MYO10: variants seen among roughly 807,000 people sequenced by gnomAD.
MYO10 encodes the protein unconventional myosin-X.
In MYO10, 133 loss-of-function variants were observed where a neutral mutation model predicts 257.3. That is an observed-to-expected ratio of 0.52 (90% CI 0.45 to 0.60). The LOEUF (loss-of-function observed/expected upper bound fraction) is 0.60. MYO10 is among the 20% of genes least tolerant of loss of function. The pLI, the probability that MYO10 is intolerant of heterozygous loss-of-function variation, is 0.00. For missense variants in MYO10, 2,399 were observed against 2,635.7 expected (o/e 0.91, Z 1.97); for synonymous variants, 1,104 against 1,028.6 (o/e 1.07, Z -1.40).
rs142142010 is a variant in MYO10, at chr5:16,781,580, G to GC, written c.727+124_727+125insG. 1,727 of 1,003,850 alleles carry GC rather than the reference G, an allele frequency of 1.7e-3. 24 individuals are homozygous for GC. In the African/African-American group the frequency reaches 0.024, roughly 14 times the overall value. The allele number at this position is 1,003,850 out of a possible 1,614,324, so 62.2% of individuals were successfully genotyped here. On this transcript the variant is annotated intron_variant, in intron 6 of 40. Transcript: ENST00000513610. ...ACTAACATTAGAGCAATAACTAACTGTCTAATTCGTTAAAGAACCAGAGAA... is the reference window on the plus strand; with the variant it reads ...ACTAACATTAGAGCAATAACTAACTGCTCTAATTCGTTAAAGAACCAGAGAA...
rs762885245 is a variant in MYO10, at chr5:16,935,785, T to C, written c.21+3A>G. On this transcript the variant is annotated splice_donor_region_variant and intron_variant, in intron 1 of 40. Transcript: ENST00000513610. ...GGCCAGGTCGGACTGGGAGCGCACT[T>C]ACCTCGGTGAAGAAGTTATCCATTG... is the stretch of plus-strand genomic sequence containing the variant. 41 of 1,613,254 alleles carry C rather than the reference T, an allele frequency of 2.5e-5. No homozygotes were observed. The highest frequency in any genetic ancestry group is 3.1e-5 in the Non-Finnish European group (36 of 1,179,696).
At chr5:16,815,195 G>T in intron 3 of MYO10, 1 of 421,250 alleles carries the variant, frequency 2.4e-6, no homozygotes, top group Admixed American at 4.2e-5. Flanking sequence ...TTTCTCTAAT[G>T]ACAGCAAAGT....
intron 2 of MYO10, chr5:16,854,074 C>G (rs1743892333): frequency 6.6e-6 from 1 of 152,088 alleles, no homozygotes; most frequent in Non-Finnish European, 1.5e-5. Flanking sequence ...CTGGTTAATA[C>G]TCGGATGGGA....
Position 16,758,191 on chromosome 5 carries a change from G to C in MYO10, c.1775C>G (p.Ser592Ter). The C allele has an allele frequency of 6.2e-7, 1 of 1,613,580 alleles. No homozygotes were observed. The highest frequency in any genetic ancestry group is 2.2e-5 in the East Asian group (1 of 44,876). Residue 592 changes from serine to a stop codon, truncating the protein, a stop_gained, in exon 18 of 41, where the codon TCA becomes TGA. Transcript: ENST00000513610. LOFTEE classifies it high-confidence loss of function. ...DFIYDLFEHVSSRNNQDTLKC... is the reference protein window; with the variant it reads ...DFIYDLFEHV Reference sequence around the variant, plus strand: ...CAAGGTATCCTGGTTGTTGCGGCTTGAAACATGTTCAAAAAGATCGTAGAT... The same window carrying C: ...CAAGGTATCCTGGTTGTTGCGGCTTCAAACATGTTCAAAAAGATCGTAGAT...
intron 36 of MYO10, 95 bp from the exon 37 acceptor site, chr5:16,672,920 T>C: frequency 7.0e-7 from 1 of 1,429,390 alleles, no homozygotes; most frequent in Admixed American, 2.4e-5. Flanking sequence ...AGGGAGCTGC[T>C]GGCACAAGGG....
chr5:16,892,927 G>A (rs1012262869), intron 1 of MYO10, among the ~76,000 whole-genome samples: 2 of 152,136 alleles, frequency 1.3e-5, no homozygotes, highest in Non-Finnish European at 2.9e-5. Flanking sequence ...CAGGCACGGT[G>A]GCTCACACCT....
chr5:16,841,303 G>A (rs937082024), intron 2 of MYO10, among the ~76,000 whole-genome samples: 4 of 152,134 alleles, frequency 2.6e-5, no homozygotes, highest in African/African-American at 4.8e-5. Flanking sequence ...GAAGAACTGA[G>A]ATATTAAAGA....
chr5:16,857,155 A>C (rs2126741852), intron 2 of MYO10, among the ~76,000 whole-genome samples: 1 of 152,302 alleles, frequency 6.6e-6, no homozygotes, highest in African/African-American at 2.4e-5. Context: ...CACAACACAC[A>C]GGCTTGTCCT....
Position 16,764,224 on chromosome 5 carries a change from A to G in MYO10, c.1326+26T>C, listed in dbSNP as rs1261826866. ...GCTAATCATGGACAGAAGAGAATTC[A>G]CGTGCTGCACTGTTAGGAAACCTAC... is the stretch of plus-strand genomic sequence containing the variant. On this transcript the variant is annotated intron_variant, in intron 12 of 40. Transcript: ENST00000513610. 7 of 1,611,962 alleles carry G rather than the reference A, an allele frequency of 4.3e-6. No homozygotes were observed. In the Middle Eastern group the frequency reaches 5.0e-4, roughly 114 times the overall value.
intron 2 of MYO10, among the ~76,000 whole-genome samples, chr5:16,851,843 G>GA (rs1189468673): frequency 1.3e-5 from 2 of 152,038 alleles, no homozygotes; most frequent in African/African-American, 4.8e-5. Context: ...ACGAGGTCAG[G>GA]AGTTAGAGAC....
At chr5:16,800,420 C>T (rs1742087951) in intron 3 of MYO10, among the ~76,000 whole-genome samples, 1 of 152,164 alleles carries the variant, frequency 6.6e-6, no homozygotes, top group South Asian at 2.1e-4. Flanking sequence ...TAAAATTCTG[C>T]ATAAATATTA....
chr5:16,679,957 T>G lies in MYO10; in HGVS notation c.4532A>C (p.Gln1511Pro). 6.2e-7 allele frequency: 1 copy of G among 1,613,754 alleles called. No individual in the cohort carries two copies. Among genetic ancestry groups the G allele is most frequent in the South Asian group, 1.1e-5 (1 of 91,030 alleles). The change falls in exon 33 of 41, where the codon CAA becomes CCA. Residue 1511 changes from glutamine to proline, a missense_variant. Transcript: ENST00000513610. ...CTTGTCTTGGCTTACCTTGATATCTTGAATCAGCTGCTGGGTGGGGGTGTC... is the reference window on the plus strand; with the variant it reads ...CTTGTCTTGGCTTACCTTGATATCTGGAATCAGCTGCTGGGTGGGGGTGTC... ...PIDTPTQQLI[Q>P]DIKENCLNSD...
intron 1 of MYO10, among the ~76,000 whole-genome samples, chr5:16,891,769 T>C (rs1745068427): frequency 6.6e-6 from 1 of 152,128 alleles, no homozygotes; most frequent in African/African-American, 2.4e-5. Context: ...CCTTATTACA[T>C]ATGCAAGAAG....
At chr5:16,741,863 G>C (rs1486502426) in intron 19 of MYO10, 1 of 985,296 alleles carries the variant, frequency 1.0e-6, no homozygotes, top group Non-Finnish European at 1.2e-6. Flanking sequence ...ATCTTTAGCA[G>C]TCCGGGCAAG....
chr5:16,689,344 AC>A (rs1400640942), intron 28 of MYO10, among the ~76,000 whole-genome samples: 3 of 152,238 alleles, frequency 2.0e-5, no homozygotes, highest in African/African-American at 7.2e-5. Context: ...GTAAGTTAGT[AC>A]CTCTTCCGTT....
intron 1 of MYO10, among the ~76,000 whole-genome samples, chr5:16,927,302 T>C (rs994889625): frequency 1.3e-5 from 2 of 152,080 alleles, no homozygotes; most frequent in African/African-American, 2.4e-5. Flanking sequence ...CTTCTGCTTA[T>C]GGTATTTTCT....
chr5:16,850,418 C>T (rs1176208345), intron 2 of MYO10, among the ~76,000 whole-genome samples: 1 of 152,040 alleles, frequency 6.6e-6, no homozygotes, highest in Non-Finnish European at 1.5e-5. Context: ...CCTGGGACTA[C>T]AGGCGCGCAC....
intron 1 of MYO10, among the ~76,000 whole-genome samples, chr5:16,930,051 A>G (rs1746253385): frequency 6.6e-6 from 1 of 152,226 alleles, no homozygotes; most frequent in South Asian, 2.1e-4. Context: ...GATGAAACTT[A>G]CTTACAAATA....
chr5:16,908,978 A>G (rs1745585511), intron 1 of MYO10, among the ~76,000 whole-genome samples: 2 of 152,350 alleles, frequency 1.3e-5, no homozygotes, highest in South Asian at 2.1e-4. Flanking sequence ...AAGGGAGAAT[A>G]AGGAGTGACT....
Sources: gnomAD v4.1 joint callset for allele counts (sites outside exome capture counted in the v4.1 genomes callset) on GRCh38, gnomAD v4.1.1 for gene constraint, MANE v1.5 for transcripts, NCBI Gene and HGNC (gene_info 2026-07-23, HGNC 2026-07-21) for gene names.